The following MCM9 variants were observed in gnomAD, a reference collection of about 807,000 sequenced individuals.
MCM9 encodes DNA helicase MCM9.
A neutral mutation model predicts 72.8 loss-of-function variants in MCM9; 55 were observed. The ratio of observed to expected loss-of-function variants is 0.76; its 90% CI spans 0.61 to 0.95. The LOEUF is 0.95. MCM9 is among the 40% of genes least tolerant of loss of function. MCM9 has a pLI of 0.00. For synonymous variants in MCM9, 480 were observed against 503.4 expected, an observed-to-expected ratio of 0.95 and a Z score of 0.62; for missense variants, 1,279 against 1,377.0, an observed-to-expected ratio of 0.93 and a Z score of 1.13.
chr6:118,835,083 C>A (rs1434181198), intron 9 of MCM9, among the ~76,000 whole-genome samples: 1 of 152,142 alleles, frequency 6.6e-6, no homozygotes, highest in African/African-American at 2.4e-5. Flanking sequence ...CCAGTTTTCC[C>A]AACACCATTT....
chr6:118,852,823 C>A (rs2114669393), intron 9 of MCM9, among the ~76,000 whole-genome samples: 1 of 152,296 alleles, frequency 6.6e-6, no homozygotes, highest in African/African-American at 2.4e-5. Context: ...AACCCCCTAG[C>A]AGAAATTTCT....
chr6:118,903,044 T>C (rs1368568026), intron 8 of MCM9, among the ~76,000 whole-genome samples: 1 of 152,230 alleles, frequency 6.6e-6, no homozygotes, highest in East Asian at 1.9e-4. Context: ...TCTACTTAAA[T>C]TTGCTCAAAC....
At position 118,829,101 on chromosome 6, in the gene MCM9, G is replaced by C. The variant is rs1443408566; in HGVS notation, c.1475C>G (p.Thr492Ser). The change falls in exon 10 of 14, where the codon ACC (threonine) becomes AGC (serine). Residue 492 changes from threonine (T) to serine (S), a missense_variant. Transcript: ENST00000619706. ...GATACGATCCCAGTCTTCATTCTTG[G>C]TATCAAGCAAAACCAGGATCAGGTC... ...RFDLILVLLD[T>S]KNEDWDRIIS... 6.4e-7 allele frequency: 1 copy of C among 1,550,576 alleles called. No individual in the cohort carries two copies. The highest frequency in any genetic ancestry group is 1.4e-5 in the African/African-American group (1 of 73,122).
At chr6:118,884,127 A>G (rs774480304) in intron 8 of MCM9, among the ~76,000 whole-genome samples, 21 of 152,222 alleles carry the variant, frequency 1.4e-4, no homozygotes, top group Admixed American at 2.6e-4. Flanking sequence ...TACAAGAACA[A>G]ATGAAGAGAG....
Position 118,850,076 on chromosome 6 carries a change from C to T in MCM9, c.1325+6295G>A, listed in dbSNP as rs370500421. Among the ~76,000 whole-genome samples, 11 of 151,942 alleles carry T rather than the reference C, an allele frequency of 7.2e-5. No individual in the cohort carries two copies. In the East Asian group the frequency reaches 1.5e-3, roughly 21 times the overall value. On this transcript the variant is annotated intron_variant, in intron 9 of 13. Transcript: ENST00000619706. ...AATTAAATAAAAAAGGTAAAAACAG[C>T]AAATGTTATAAGTGAATGAAAACAG... is the stretch of plus-strand genomic sequence containing the variant.
chr6:118,913,540 A>T lies in MCM9; in HGVS notation c.905-120T>A. On this transcript the variant is annotated intron_variant, in intron 6 of 13. Coordinates refer to ENST00000619706, the MANE Select transcript of MCM9 (RefSeq NM_017696.3). ...ATATACTCTACTATGTGAAGTGATC[A>T]GGAGGTCCAATTCCAAATGACCAAC... 7.2e-6 allele frequency: 9 copies of T among 1,242,196 alleles called. 1 individual carries two copies. In the South Asian group the frequency reaches 1.0e-4, roughly 14 times the overall value. 76.9% of individuals were successfully genotyped at this position (1,242,196 alleles called of 1,614,324 possible). A position where few individuals can be genotyped will look rare whatever the true frequency, so the allele number is the denominator to read the frequency against.
At chr6:118,918,997 C>G (rs2114330712) in intron 5 of MCM9, 1 of 152,304 alleles carries the variant, frequency 6.6e-6, no homozygotes, top group South Asian at 2.1e-4. Context: ...AAGATCTTTC[C>G]TAAGCCACTA....
At chr6:118,894,887 C>T (rs572946960) in intron 8 of MCM9, among the ~76,000 whole-genome samples, 2 of 152,266 alleles carry the variant, frequency 1.3e-5, no homozygotes, top group South Asian at 4.1e-4. Flanking sequence ...CCTCCGGGCC[C>T]GAGCACGGAG....
intron 8 of MCM9, among the ~76,000 whole-genome samples, chr6:118,879,722 G>T (rs1362196340): frequency 6.7e-6 from 1 of 150,230 alleles, no homozygotes; most frequent in Non-Finnish European, 1.5e-5. Flanking sequence ...TCCATGTTGG[G>T]ACATCAAATT....
intron 9 of MCM9, among the ~76,000 whole-genome samples, chr6:118,836,116 T>C (rs1583377482): frequency 6.6e-6 from 1 of 152,346 alleles, no homozygotes; most frequent in East Asian, 1.9e-4. Context: ...CAAGTGGTTT[T>C]TGTCATTGGT....
At chr6:118,891,710 A>G (rs1039874822) in intron 8 of MCM9, among the ~76,000 whole-genome samples, 2 of 152,176 alleles carry the variant, frequency 1.3e-5, no homozygotes, top group African/African-American at 4.8e-5. Context: ...GCTTCAACAT[A>G]CGAATTTGGG....
intron 9 of MCM9, among the ~76,000 whole-genome samples, chr6:118,845,406 G>C (rs1775791141): frequency 6.6e-6 from 1 of 151,776 alleles, no homozygotes; most frequent in Non-Finnish European, 1.5e-5. Context: ...TTGTGAAGCT[G>C]GAACCGCCAT....
chr6:118,827,908 T>C lies in MCM9; in HGVS notation c.1732+19A>G. On this transcript the variant is annotated intron_variant, in intron 11 of 13. Transcript: ENST00000619706. ...CACGCAGCATTCAATACAAGCATCATTCGCTGAATGAAATAGACCTTCTGC... is the reference window on the plus strand; with the variant it reads ...CACGCAGCATTCAATACAAGCATCACTCGCTGAATGAAATAGACCTTCTGC... 3.2e-6 allele frequency: 5 copies of C among 1,550,034 alleles called. No homozygotes were observed. The highest frequency in any genetic ancestry group is 4.4e-6 in the Non-Finnish European group (5 of 1,146,404).
intron 9 of MCM9, among the ~76,000 whole-genome samples, chr6:118,846,923 A>G (rs944549469): frequency 7.2e-5 from 11 of 151,948 alleles, no homozygotes; most frequent in African/African-American, 2.7e-4. Flanking sequence ...ACTTCCGTTG[A>G]TAAAACCCTC....
chr6:118,912,502 TA>T (rs1279480679), intron 7 of MCM9: 1 of 152,250 alleles, frequency 6.6e-6, no homozygotes, highest in East Asian at 1.9e-4. Context: ...CTAAATACAT[TA>T]ATAGGAAACC....
intron 5 of MCM9, 36 bp downstream of exon 5, chr6:118,921,969 C>T: frequency 6.5e-7 from 1 of 1,530,654 alleles, no homozygotes; most frequent in Non-Finnish European, 9.0e-7. Flanking sequence ...TTTAGGACTA[C>T]CTACACAAGC....
chr6:118,827,995 T>C lies in MCM9; in HGVS notation c.1664A>G (p.Gln555Arg). 6.4e-7 allele frequency: 1 copy of C among 1,550,988 alleles called. No individual in the cohort carries two copies. The highest frequency in any genetic ancestry group is 2.0e-5 in the Admixed American group (1 of 51,012). The part of the protein sequence containing the change: ...VLLRYYQMQR[Q>R]SDCRNAARTT... ...CCGGGCAGCGTTCCGGCAATCACTCTGCCTTTGCATCTGGTAGTACCGGAG... is the reference window on the plus strand; with the variant it reads ...CCGGGCAGCGTTCCGGCAATCACTCCGCCTTTGCATCTGGTAGTACCGGAG... Residue 555 changes from glutamine to arginine, a missense_variant, in exon 11 of 14, where the codon CAG (glutamine) becomes CGG (arginine). Gln to Arg is a conservative substitution (Grantham distance 43, BLOSUM62 1). Transcript: ENST00000619706.
chr6:118,859,410 G>T lies in MCM9; in HGVS notation c.1151-2865C>A, dbSNP rs1294722559. 2.0e-5 allele frequency among the ~76,000 whole-genome samples: 3 copies of T among 152,210 alleles called. No individual in the cohort carries two copies. In the Middle Eastern group the frequency reaches 0.01, roughly 518 times the overall value. ...ACTACTTCAACCTAACAAGTAAAAA[G>T]CTAAACAAAAAAATCAGTAACTTCT... On this transcript the variant is annotated intron_variant, in intron 8 of 13. Transcript: ENST00000619706.
At chr6:118,894,064 T>C (rs1276444895) in intron 8 of MCM9, 1 of 1,076,456 alleles carries the variant, frequency 9.3e-7, no homozygotes, top group Non-Finnish European at 1.1e-6. Context: ...CACCAGCAGG[T>C]GGAGCCGCAG....
Sources: gnomAD v4.1 joint callset for allele counts (sites outside exome capture counted in the v4.1 genomes callset) on GRCh38, gnomAD v4.1.1 for gene constraint, MANE v1.5 for transcripts, NCBI Gene and HGNC (gene_info 2026-07-23, HGNC 2026-07-21) for gene names.